PLD5: variants seen among roughly 807,000 people sequenced by gnomAD.
The protein encoded by PLD5 is inactive phospholipase D5.
In PLD5, 36 loss-of-function variants were observed where a neutral mutation model predicts 61.1. That is an observed-to-expected ratio of 0.59 (90% CI 0.45 to 0.78). PLD5 has a LOEUF of 0.78. Among genes scored for constraint, PLD5 ranks in the 30% least tolerant of loss-of-function variants. The pLI is 0.00. For synonymous variants in PLD5, 243 were observed against 242.8 expected, an observed-to-expected ratio of 1.00 and a Z score of -0.01; for missense variants, 515 against 644.4, an observed-to-expected ratio of 0.80 and a Z score of 2.17.
chr1:242,141,950 A>G (rs1664205288), intron 5 of PLD5, among the ~76,000 whole-genome samples: 1 of 152,220 alleles, frequency 6.6e-6, no homozygotes, highest in Admixed American at 6.5e-5. Context: ...ATATTAATAT[A>G]TATAACATCT....
chr1:242,258,025 G>A (rs1673178362), intron 4 of PLD5, among the ~76,000 whole-genome samples: 1 of 152,208 alleles, frequency 6.6e-6, no homozygotes. Flanking sequence ...CTAGGAATAT[G>A]ATTTCTGATA....
At chr1:242,337,626 C>A (rs996023243) in intron 2 of PLD5, among the ~76,000 whole-genome samples, 1 of 152,130 alleles carries the variant, frequency 6.6e-6, no homozygotes. Flanking sequence ...AGCAAAACAC[C>A]GTCTCAAATA....
intron 1 of PLD5, among the ~76,000 whole-genome samples, chr1:242,403,821 G>A (rs921699256): frequency 6.6e-6 from 1 of 152,124 alleles, no homozygotes; most frequent in Non-Finnish European, 1.5e-5. Flanking sequence ...AACATTCAAT[G>A]GAAGGGCTTT....
At chr1:242,207,950 TTATTTA>T (rs1316738630) in intron 5 of PLD5, among the ~76,000 whole-genome samples, 5 of 10,104 alleles carry the variant, frequency 4.9e-4, no homozygotes, top group Non-Finnish European at 7.3e-4. Flanking sequence ...TTATATATAT[TTATTTA>T]TATATATTTA....
At chr1:242,300,791 G>A (rs1294872602) in intron 2 of PLD5, among the ~76,000 whole-genome samples, 9 of 152,096 alleles carry the variant, frequency 5.9e-5, no homozygotes, top group Non-Finnish European at 1.2e-4. Context: ...GAAGACCGCT[G>A]CGATAGCATG....
intron 9 of PLD5, among the ~76,000 whole-genome samples, chr1:242,096,108 G>A (rs371979744): frequency 4.0e-5 from 6 of 151,852 alleles, no homozygotes; most frequent in South Asian, 2.1e-4. Flanking sequence ...ACAGGTGCCC[G>A]CCACCACACC....
At chr1:242,091,129 A>G (rs2148644829) in intron 9 of PLD5, among the ~76,000 whole-genome samples, 2 of 152,138 alleles carry the variant, frequency 1.3e-5, no homozygotes, top group Middle Eastern at 6.8e-3. Context: ...CCCTTTTACA[A>G]GGACACCGGT....
intron 3 of PLD5, among the ~76,000 whole-genome samples, chr1:242,284,006 C>T (rs1477837900): frequency 6.6e-6 from 1 of 151,256 alleles, no homozygotes; most frequent in African/African-American, 2.4e-5. Context: ...GAGTTGGCAG[C>T]AAGTACCTGT....
At position 242,193,184 on chromosome 1, in the gene PLD5, C is replaced by A. The variant is rs114334996; in HGVS notation, c.735+26804G>T. 5.8e-3 allele frequency among the ~76,000 whole-genome samples: 881 copies of A among 152,102 alleles called. 8 individuals carry two copies. The highest frequency in any genetic ancestry group is 0.02 in the African/African-American group (842 of 41,356). Reference sequence around the variant, plus strand: ...CTTAATACTGTAAGTTCACTCAAGGCAGGAGCTATATTTTATTATTGGTCT... The same window carrying A: ...CTTAATACTGTAAGTTCACTCAAGGAAGGAGCTATATTTTATTATTGGTCT... On this transcript the variant is annotated intron_variant, in intron 5 of 9. Transcript: ENST00000536534.
At chr1:242,312,398 C>A (rs1209572634) in intron 2 of PLD5, among the ~76,000 whole-genome samples, 1 of 152,046 alleles carries the variant, frequency 6.6e-6, no homozygotes, top group Non-Finnish European at 1.5e-5. Flanking sequence ...CTTCCTTGGA[C>A]CTGTGTGCAC....
intron 2 of PLD5, among the ~76,000 whole-genome samples, chr1:242,330,484 G>A (rs749213979): frequency 2.6e-5 from 4 of 152,166 alleles, no homozygotes; most frequent in Non-Finnish European, 5.9e-5. Flanking sequence ...TCCTTCCTGT[G>A]ACTCCCTAGC....
chr1:242,193,831 TA>T (rs1313410244), intron 5 of PLD5, among the ~76,000 whole-genome samples: 1 of 152,148 alleles, frequency 6.6e-6, no homozygotes, highest in Non-Finnish European at 1.5e-5. Context: ...GAGGATCAGA[TA>T]AATTAATGCA....
intron 8 of PLD5, among the ~76,000 whole-genome samples, chr1:242,104,713 G>A (rs151049516): frequency 6.6e-6 from 1 of 152,288 alleles, no homozygotes; most frequent in Non-Finnish European, 1.5e-5. Context: ...AGAGATGGGG[G>A]TCTCCCTACT....
At chr1:242,323,498 G>T (rs1022923148) in intron 2 of PLD5, among the ~76,000 whole-genome samples, 4 of 152,156 alleles carry the variant, frequency 2.6e-5, no homozygotes, top group African/African-American at 9.7e-5. Flanking sequence ...CAAAATACAT[G>T]CAGGTTGTTC....
chr1:242,131,023 TG>T (rs1663192683), intron 5 of PLD5, among the ~76,000 whole-genome samples: 1 of 151,836 alleles, frequency 6.6e-6, no homozygotes, highest in Admixed American at 6.6e-5. Context: ...ACTCAAGTTA[TG>T]GCCGGGCGCG....
At chr1:242,263,174 T>C (rs1036725269) in intron 4 of PLD5, among the ~76,000 whole-genome samples, 9 of 152,170 alleles carry the variant, frequency 5.9e-5, no homozygotes, top group Admixed American at 5.2e-4. Context: ...ACACCTGCAC[T>C]AAATCTTTGT....
At chr1:242,480,545 C>A (rs1443590202) in intron 1 of PLD5, among the ~76,000 whole-genome samples, 1 of 151,908 alleles carries the variant, frequency 6.6e-6, no homozygotes, top group East Asian at 1.9e-4. Flanking sequence ...GCAAAAGACA[C>A]CATTAAAAAT....
intron 2 of PLD5, among the ~76,000 whole-genome samples, chr1:242,328,728 G>A (rs1283912968): frequency 6.6e-6 from 1 of 152,176 alleles, no homozygotes; most frequent in Non-Finnish European, 1.5e-5. Flanking sequence ...TGCCTCTGAG[G>A]TTTTATTAGG....
chr1:242,395,662 G>A (rs929612471), intron 1 of PLD5, among the ~76,000 whole-genome samples: 7 of 152,124 alleles, frequency 4.6e-5, no homozygotes, highest in African/African-American at 1.7e-4. Context: ...CACGGCTAAT[G>A]GAAACATAGA....
Sources: allele counts gnomAD v4.1 joint callset (sites outside exome capture counted in the v4.1 genomes callset), GRCh38; gene constraint gnomAD v4.1.1; transcripts MANE v1.5; gene names NCBI Gene and HGNC (gene_info 2026-07-23, HGNC 2026-07-21).